SLFN12L: variants seen among roughly 807,000 people sequenced by gnomAD.
SLFN12L encodes schlafen family member 12-like.
In SLFN12L, 34 loss-of-function variants were observed where a neutral mutation model predicts 34.8. The observed-to-expected ratio is 0.98, with a 90% CI of 0.74 to 1.30. The LOEUF is 1.30. Ranked by LOEUF, SLFN12L falls within the 50% of genes most tolerant of loss-of-function variation. SLFN12L has a pLI of 0.00. For missense variants in SLFN12L, 703 were observed against 696.2 expected (o/e 1.01, Z -0.11); for synonymous variants, 259 against 247.5 (o/e 1.05, Z -0.44).
At chr17:35,475,898 T>C (rs1913978936) in intron 4 of SLFN12L, among the ~76,000 whole-genome samples, 3 of 145,128 alleles carry the variant, frequency 2.1e-5, no homozygotes, top group Non-Finnish European at 4.5e-5. Flanking sequence ...AGATTCTGTC[T>C]CAAAAAAATT....
chr17:35,508,762 T>A (rs182479756), intron 2 of SLFN12L, among the ~76,000 whole-genome samples: 1 of 151,820 alleles, frequency 6.6e-6, no homozygotes, highest in Non-Finnish European at 1.5e-5. Context: ...ACAGTTTTTC[T>A]GATAAAACTG....
intron 2 of SLFN12L, among the ~76,000 whole-genome samples, chr17:35,483,499 C>T (rs989252904): frequency 1.3e-4 from 20 of 152,170 alleles, no homozygotes; most frequent in African/African-American, 4.8e-4. Flanking sequence ...GAAGAAGGTC[C>T]TCACCAGAAT....
intron 2 of SLFN12L, among the ~76,000 whole-genome samples, chr17:35,488,045 A>C (rs1914674141): frequency 6.6e-6 from 1 of 152,178 alleles, no homozygotes; most frequent in Non-Finnish European, 1.5e-5. Context: ...CGTCTCTACT[A>C]AAAATACAAA....
chr17:35,498,578 C>T, intron 2 of SLFN12L: 1 of 1,561,072 alleles, frequency 6.4e-7, no homozygotes, highest in Non-Finnish European at 8.8e-7. Context: ...GTTTTTACAG[C>T]CGCTTCCATG....
chr17:35,513,395 TAA>T (rs1297946077), intron 2 of SLFN12L, among the ~76,000 whole-genome samples: 2 of 152,184 alleles, frequency 1.3e-5, no homozygotes, highest in South Asian at 2.1e-4. Context: ...TAATGACACT[TAA>T]AAAGAGTTTG....
chr17:35,498,841 T>A, intron 2 of SLFN12L: 1 of 755,888 alleles, frequency 1.3e-6, no homozygotes, highest in Non-Finnish European at 2.3e-6. Flanking sequence ...GACTAACAGC[T>A]GTATGCAAGT....
At chr17:35,511,669 A>G (rs976107729) in intron 2 of SLFN12L, among the ~76,000 whole-genome samples, 4 of 152,130 alleles carry the variant, frequency 2.6e-5, no homozygotes, top group African/African-American at 9.7e-5. Context: ...GGATCCCTTG[A>G]GCCCAAGTAT....
At chr17:35,501,743 A>C (rs1915301199) in intron 2 of SLFN12L, among the ~76,000 whole-genome samples, 1 of 152,192 alleles carries the variant, frequency 6.6e-6, no homozygotes, top group African/African-American at 2.4e-5. Flanking sequence ...TGTAAGGTAG[A>C]CTGGCCAGCA....
At chr17:35,520,870 C>A (rs1217670730) in intron 2 of SLFN12L, among the ~76,000 whole-genome samples, 1 of 152,156 alleles carries the variant, frequency 6.6e-6, no homozygotes, top group Non-Finnish European at 1.5e-5. Flanking sequence ...CTATAACCTG[C>A]TGAATATATA....
At chr17:35,482,274 G>A (rs1914374182) in intron 2 of SLFN12L, among the ~76,000 whole-genome samples, 1 of 152,224 alleles carries the variant, frequency 6.6e-6, no homozygotes, top group Non-Finnish European at 1.5e-5. Context: ...GCGTTTGGGA[G>A]GTGATTAGGT....
intron 2 of SLFN12L, among the ~76,000 whole-genome samples, chr17:35,512,680 T>TA (rs1915692407): frequency 6.6e-6 from 1 of 152,330 alleles, no homozygotes; most frequent in East Asian, 1.9e-4. Flanking sequence ...TTCTTTAACT[T>TA]AACACTGCTA....
chr17:35,489,754 A>C (rs940058846), intron 2 of SLFN12L, among the ~76,000 whole-genome samples: 3 of 152,228 alleles, frequency 2.0e-5, no homozygotes, highest in African/African-American at 2.4e-5. Context: ...GACTCTTGAA[A>C]GTTATCCTCA....
At chr17:35,496,482 C>T (rs1389333226) in intron 2 of SLFN12L, among the ~76,000 whole-genome samples, 1 of 151,980 alleles carries the variant, frequency 6.6e-6, no homozygotes, top group East Asian at 1.9e-4. Flanking sequence ...TCCCTCCCTC[C>T]CTACCCTTCC....
chr17:35,509,421 A>G (rs1421514868), intron 2 of SLFN12L, among the ~76,000 whole-genome samples: 2 of 152,160 alleles, frequency 1.3e-5, no homozygotes, highest in African/African-American at 2.4e-5. Context: ...TTTTTAAACT[A>G]AAGAACTAAA....
chr17:35,511,556 T>C (rs1245832788), intron 2 of SLFN12L, among the ~76,000 whole-genome samples: 1 of 144,618 alleles, frequency 6.9e-6, no homozygotes, highest in East Asian at 2.0e-4. Context: ...GGCAAGATGG[T>C]GAGACCTCGT....
At chr17:35,490,743 T>C (rs967972149) in intron 2 of SLFN12L, 12 of 1,486,390 alleles carry the variant, frequency 8.1e-6, no homozygotes, top group Non-Finnish European at 1.1e-5. Context: ...GAAAAATTAG[T>C]GGCCTTAAAG....
chr17:35,482,088 G>T (rs186720333), intron 2 of SLFN12L, among the ~76,000 whole-genome samples: 7 of 152,258 alleles, frequency 4.6e-5, no homozygotes, highest in Admixed American at 3.3e-4. Context: ...TCTCGATGAT[G>T]ATCCTGACCT....
chr17:35,479,079 G>C, intron 3 of SLFN12L, 38 bp downstream of exon 3: 1 of 1,464,242 alleles, frequency 6.8e-7, no homozygotes, highest in Non-Finnish European at 9.2e-7. Context: ...TGCCACCCAA[G>C]CCAAAGGTAT....
Position 35,467,398 on chromosome 17 carries a change from G to T in SLFN12L, c.*7525C>A, listed in dbSNP as rs1037768983. Among the ~76,000 whole-genome samples the T allele has an allele frequency of 6.6e-6, 1 of 152,160 alleles. No individual in the cohort carries two copies. The highest frequency in any genetic ancestry group is 2.1e-4 in the South Asian group (1 of 4,822). ...TTTCCTCTTAGATACCCAAAATCACGTGTCTATGTATATTAAGGCCACCAT... is the reference window on the plus strand; with the variant it reads ...TTTCCTCTTAGATACCCAAAATCACTTGTCTATGTATATTAAGGCCACCAT... On this transcript the variant is annotated 3_prime_UTR_variant, in exon 5 of 5. Transcript: ENST00000628453.
Sources: gnomAD v4.1 joint callset for allele counts (sites outside exome capture counted in the v4.1 genomes callset) on GRCh38, gnomAD v4.1.1 for gene constraint, MANE v1.5 for transcripts, NCBI Gene and HGNC (gene_info 2026-07-23, HGNC 2026-07-21) for gene names.